Variants in NRXN1 observed in about 807,000 individuals in gnomAD.
NRXN1 encodes the protein neurexin-1.
A neutral mutation model predicts 150.9 loss-of-function variants in NRXN1; 39 were observed. The ratio of observed to expected loss-of-function variants is 0.26; its 90% CI spans 0.20 to 0.34. NRXN1 has a LOEUF of 0.34. Ranked by LOEUF, NRXN1 falls within the 10% of genes least tolerant of loss-of-function variation. The probability of loss-of-function intolerance (pLI) is 1.00; values close to 1 mark genes in which losing one functional copy is unlikely to be tolerated. For missense variants in NRXN1, 1,815 were observed against 1,949.9 expected (o/e 0.93, Z 1.30); for synonymous variants, 924 against 757.0 (o/e 1.22, Z -3.62).
Position 50,712,218 on chromosome 2 carries a change from T to C in NRXN1, c.833-88603A>G, listed in dbSNP as rs983532790. On this transcript the variant is annotated intron_variant, in intron 5 of 22. Coordinates refer to ENST00000401669, the MANE Select transcript of NRXN1 (RefSeq NM_001330078.2). ...AGAGTTTAATAAACTGTTCAACACA[T>C]TATAAACATCAGGTTCCAAGTAAGA... Among the ~76,000 whole-genome samples, 5 of 152,162 alleles carry C rather than the reference T, an allele frequency of 3.3e-5. No individual in the cohort carries two copies. The South Asian group carries it at 8.3e-4, about 25-fold the overall frequency.
intron 18 of NRXN1, among the ~76,000 whole-genome samples, chr2:50,165,651 C>A (rs1263890055): frequency 1.3e-5 from 2 of 152,158 alleles, no homozygotes; most frequent in Non-Finnish European, 2.9e-5. Flanking sequence ...CCGCGCCCAG[C>A]CAGCACTGTC....
intron 17 of NRXN1, among the ~76,000 whole-genome samples, chr2:50,325,110 T>C (rs1017109370): frequency 1.3e-5 from 2 of 152,080 alleles, no homozygotes; most frequent in African/African-American, 4.8e-5. Flanking sequence ...TAACATTAAA[T>C]TTCTGTACCC....
intron 2 of NRXN1, among the ~76,000 whole-genome samples, chr2:50,931,326 A>C (rs924621455): frequency 1.3e-5 from 2 of 152,150 alleles, no homozygotes; most frequent in African/African-American, 4.8e-5. Context: ...TCCAAAACAA[A>C]TCTATTTAAT....
In NRXN1 at chr2:50,433,087, C is replaced by T. The variant is rs536307326; in HGVS notation, c.3364+32355G>A. 6.6e-4 allele frequency among the ~76,000 whole-genome samples: 100 copies of T among 152,290 alleles called. 1 individual carries two copies. Among genetic ancestry groups the T allele is most frequent in the African/African-American group, 2.3e-3 (96 of 41,568 alleles). On this transcript the variant is annotated intron_variant, in intron 17 of 22. Coordinates refer to ENST00000401669, the MANE Select transcript of NRXN1 (RefSeq NM_001330078.2). Reference sequence around the variant, plus strand: ...AACACCCTTCATTGCCAGAAACAAGCTTCAACTATCTTAAAACAGTGAGGA... The same window carrying T: ...AACACCCTTCATTGCCAGAAACAAGTTTCAACTATCTTAAAACAGTGAGGA...
chr2:50,047,392 A>T (rs986286263), intron 21 of NRXN1, among the ~76,000 whole-genome samples: 1 of 152,006 alleles, frequency 6.6e-6, no homozygotes, highest in African/African-American at 2.4e-5. Context: ...TTCTGATTTA[A>T]TTAGCAAAAT....
At chr2:50,453,013 T>C (rs557782683) in intron 17 of NRXN1, among the ~76,000 whole-genome samples, 1 of 152,312 alleles carries the variant, frequency 6.6e-6, no homozygotes, top group Non-Finnish European at 1.5e-5. Context: ...TTTTGTATTC[T>C]TTTCAAATCA....
At chr2:50,411,122 C>T (rs1052772286) in intron 17 of NRXN1, among the ~76,000 whole-genome samples, 3 of 151,860 alleles carry the variant, frequency 2.0e-5, no homozygotes, top group African/African-American at 7.3e-5. Flanking sequence ...ACTGCAACCT[C>T]CCTGCCTGAT....
intron 17 of NRXN1, among the ~76,000 whole-genome samples, chr2:50,411,705 C>T (rs1196671862): frequency 6.6e-6 from 1 of 151,062 alleles, no homozygotes; most frequent in African/African-American, 2.4e-5. Context: ...GGGGGGGCAG[C>T]CCCCGCCCAG....
At chr2:50,729,997 AGTT>A (rs1309512845) in intron 5 of NRXN1, among the ~76,000 whole-genome samples, 2 of 152,176 alleles carry the variant, frequency 1.3e-5, no homozygotes, top group Non-Finnish European at 2.9e-5. Context: ...TGACTAAAGT[AGTT>A]CTCTTTACCT....
intron 5 of NRXN1, among the ~76,000 whole-genome samples, chr2:50,783,496 G>T (rs911964365): frequency 6.6e-6 from 1 of 152,034 alleles, no homozygotes; most frequent in African/African-American, 2.4e-5. Context: ...CAAAATCATA[G>T]ATCAGGGTAT....
Position 50,551,077 on chromosome 2 carries a change from G to GAAGAAGAAGAA in NRXN1, c.1759+1509_1759+1510insTTCTTCTTCTT, listed in dbSNP as rs1553775815. Among the ~76,000 whole-genome samples the GAAGAAGAAGAA allele has an allele frequency of 2.4e-3, 125 of 52,322 alleles. 1 individual carries two copies. The highest frequency in any genetic ancestry group is 9.9e-3 in the African/African-American group (94 of 9,526). The allele number at this position is 52,322 out of a possible 152,430, so 34.3% of individuals were successfully genotyped here. A position where few individuals can be genotyped will look rare whatever the true frequency, so the allele number is the denominator to read the frequency against. On this transcript the variant is annotated intron_variant, in intron 9 of 22. Transcript: ENST00000401669. ...AAGAAGAAGAAGAAGAAGAAGAAGA[G>GAAGAAGAAGAA]GAGGAGGAGGAGGAGGAGGAGGAGG...
At chr2:50,217,622 C>G (rs984626747) in intron 18 of NRXN1, among the ~76,000 whole-genome samples, 1 of 151,650 alleles carries the variant, frequency 6.6e-6, no homozygotes, top group African/African-American at 2.4e-5. Context: ...TAACAGGGGA[C>G]CTAAAGAAAC....
chr2:51,026,423 G>A, intron 2 of NRXN1: 1 of 1,605,092 alleles, frequency 6.2e-7, no homozygotes, highest in Non-Finnish European at 8.5e-7. Flanking sequence ...CTTGGTCATT[G>A]TCATGTAACA....
At chr2:50,481,190 G>A (rs2090431852) in intron 15 of NRXN1, among the ~76,000 whole-genome samples, 1 of 152,286 alleles carries the variant, frequency 6.6e-6, no homozygotes, top group East Asian at 1.9e-4. Context: ...TGTACACCCT[G>A]TACACTCTAA....
At chr2:50,905,132 T>C (rs960043487) in intron 5 of NRXN1, among the ~76,000 whole-genome samples, 4 of 152,142 alleles carry the variant, frequency 2.6e-5, no homozygotes, top group African/African-American at 7.2e-5. Context: ...AGCCCACTTT[T>C]ATCTTAACGT....
intron 18 of NRXN1, among the ~76,000 whole-genome samples, chr2:50,162,242 G>A (rs2059407804): frequency 6.6e-6 from 1 of 152,012 alleles, no homozygotes; most frequent in African/African-American, 2.4e-5. Context: ...ATAGTGTTAA[G>A]GAAAAAACAT....
At chr2:50,641,597 A>G (rs1365468467) in intron 5 of NRXN1, among the ~76,000 whole-genome samples, 1 of 152,016 alleles carries the variant, frequency 6.6e-6, no homozygotes, top group East Asian at 1.9e-4. Context: ...CTTCCCAGCA[A>G]TTCCACTGCA....
At chr2:51,001,210 C>T (rs1294759039) in intron 2 of NRXN1, among the ~76,000 whole-genome samples, 4 of 103,444 alleles carry the variant, frequency 3.9e-5, no homozygotes, top group African/African-American at 1.6e-4. Context: ...CAACCACATA[C>T]GTACAATGGT....
chr2:50,306,816 G>C (rs151311246), intron 17 of NRXN1, among the ~76,000 whole-genome samples: 4 of 152,192 alleles, frequency 2.6e-5, no homozygotes, highest in Admixed American at 1.3e-4. Flanking sequence ...ACTGAAGAAA[G>C]GAGTAAGGGC....
Sources: gnomAD v4.1 joint callset for allele counts (sites outside exome capture counted in the v4.1 genomes callset) on GRCh38, gnomAD v4.1.1 for gene constraint, MANE v1.5 for transcripts, NCBI Gene and HGNC (gene_info 2026-07-23, HGNC 2026-07-21) for gene names.